The following TCP1 variants were observed in gnomAD, a reference collection of about 807,000 sequenced individuals.
The protein encoded by TCP1 is T-complex protein 1 subunit alpha.
Under a neutral mutation model 54.7 loss-of-function variants are expected in TCP1, and 6 were observed. The ratio of observed to expected loss-of-function variants is 0.11; its 90% CI spans 0.06 to 0.22. TCP1 has a LOEUF of 0.22. Ranked by LOEUF, TCP1 falls within the 10% of genes least tolerant of loss-of-function variation. TCP1 has a pLI of 1.00. For missense variants in TCP1, 511 were observed against 678.2 expected, an observed-to-expected ratio of 0.75 and a Z score of 2.74; for synonymous variants, 225 against 229.7, an observed-to-expected ratio of 0.98 and a Z score of 0.19.
rs1780485149 is a variant in TCP1, at chr6:159,778,519, A to T, written c.*526T>A. On this transcript the variant is annotated 3_prime_UTR_variant, in exon 12 of 12. Coordinates refer to ENST00000321394, the MANE Select transcript of TCP1 (RefSeq NM_030752.3). ...GGGATGAATTTTCACAAAGGTGTAA[A>T]TTTATTCCTAAGCAGTTAAAATGAA... 3 of 985,882 alleles carry T rather than the reference A, an allele frequency of 3.0e-6. No individual in the cohort carries two copies. The East Asian group carries it at 7.8e-5, about 26-fold the overall frequency. The allele number at this position is 985,882 out of a possible 1,614,324, so 61.1% of individuals were successfully genotyped here.
At chr6:159,785,872 A>C (rs758028584) in intron 4 of TCP1, 28 bp downstream of exon 4, 1 of 1,589,852 alleles carries the variant, frequency 6.3e-7, no homozygotes, top group Non-Finnish European at 8.6e-7. Flanking sequence ...ACATCAAAAA[A>C]AATTTCTCTG....
At chr6:159,780,127 T>C (rs376407468) in intron 9 of TCP1, 40 bp from the exon 10 acceptor site, 1 of 1,578,272 alleles carries the variant, frequency 6.3e-7, no homozygotes, top group Non-Finnish European at 8.6e-7. Flanking sequence ...ATAGCATTTT[T>C]AAAAATTTTT....
Position 159,783,990 on chromosome 6 carries a change from C to T in TCP1, c.748G>A (p.Val250Ile). ...TCAGGGTCTGTAATGACCACCTGTACACCAAGCTTCATTTTTGTTTTTTGC... is the reference window on the plus strand; with the variant it reads ...TCAGGGTCTGTAATGACCACCTGTATACCAAGCTTCATTTTTGTTTTTTGC... ...SLQKTKMKLGVQVVITDPEKL... is the reference protein window; with the variant it reads ...SLQKTKMKLGIQVVITDPEKL... The change falls in exon 7 of 12, where the codon GTA becomes ATA. Residue 250 changes from valine to isoleucine, a missense_variant. Physicochemically the swap from Val to Ile is conservative, Grantham distance 29. Transcript: ENST00000321394. 6.2e-7 allele frequency: 1 copy of T among 1,613,102 alleles called. No homozygotes were observed.
chr6:159,782,032 A>G (rs1254681606), intron 7 of TCP1, among the ~76,000 whole-genome samples: 1 of 152,212 alleles, frequency 6.6e-6, no homozygotes, highest in African/African-American at 2.4e-5. Context: ...GAAAAGTCAA[A>G]TTTTATGGCT....
At chr6:159,780,212 C>T (rs199752553) in intron 9 of TCP1, 125 bp from the exon 10 acceptor site, 21 of 1,281,286 alleles carry the variant, frequency 1.6e-5, no homozygotes, top group Middle Eastern at 3.8e-4. Context: ...TCCCTTAAGT[C>T]CTGCCTACAC....
intron 2 of TCP1, 24 bp from the exon 3 acceptor site, chr6:159,787,895 A>G: frequency 3.7e-6 from 6 of 1,613,162 alleles, no homozygotes; most frequent in Non-Finnish European, 5.1e-6. Flanking sequence ...AGGAAAAAAT[A>G]TGAACCACTT....
chr6:159,783,425 G>A (rs1562483582), intron 7 of TCP1, among the ~76,000 whole-genome samples: 1 of 133,356 alleles, frequency 7.5e-6, no homozygotes, highest in Non-Finnish European at 1.5e-5. Context: ...TGTCACCCAG[G>A]TTGGAGTGCA....
At chr6:159,787,096 GTTT>G (rs796940140) in intron 3 of TCP1, among the ~76,000 whole-genome samples, 21 of 57,376 alleles carry the variant, frequency 3.7e-4, no homozygotes, top group African/African-American at 1.3e-3. Context: ...AAAAAAAGAG[GTTT>G]TTAATTAGTT....
chr6:159,779,499 T>C, intron 11 of TCP1, 128 bp downstream of exon 11: 1 of 1,297,228 alleles, frequency 7.7e-7, no homozygotes, highest in East Asian at 2.3e-5. Context: ...AAATGCTTGC[T>C]GTGAAGTTTT....
Position 159,787,829 on chromosome 6 carries a change from G to C in TCP1, c.193C>G (p.Leu65Val), listed in dbSNP as rs1162648793. 17 of 1,614,066 alleles carry C rather than the reference G, an allele frequency of 1.1e-5. No individual in the cohort carries two copies. Among genetic ancestry groups the C allele is most frequent in the Non-Finnish European group, 1.4e-5 (16 of 1,180,036 alleles). Residue 65 changes from leucine (L) to valine (V), a missense_variant, in exon 3 of 12, where the codon CTG (leucine) becomes GTG (valine). This residue lies in a region of TCP1 where 54 missense variants were observed against 111.8 expected (regional missense o/e 0.48). Coordinates refer to ENST00000321394, the MANE Select transcript of TCP1 (RefSeq NM_030752.3). ...TTAGCTGCAGGATGTTCTACCTCCA[G>C]TAACTTCAGGATGGTTGCACCATCG... ...TNDGATILKL[L>V]EVEHPAAKVL... is the part of the protein sequence containing the mutation.
intron 1 of TCP1, chr6:159,789,125 TC>T: frequency 2.2e-6 from 1 of 463,096 alleles, no homozygotes; most frequent in Non-Finnish European, 3.9e-6. Context: ...AGGCCCGCTT[TC>T]CCGCGGAGGG....
chr6:159,785,747 C>T, intron 4 of TCP1, 153 bp downstream of exon 4: 1 of 809,176 alleles, frequency 1.2e-6, no homozygotes, highest in South Asian at 1.4e-5. Context: ...GATACTGGTC[C>T]AAGTTTTTAA....
At position 159,787,869 on chromosome 6, in the gene TCP1, A is replaced by C; in HGVS notation, c.153T>G (p.Asp51Glu). ...LDKMLVDDIG[D>E]VTITNDGATI... ...TTGCACCATCGTTAGTAATGGTTAC[A>C]TCCTAAGAAATTCGCAGGAAAAAAT... The change falls in exon 3 of 12, where the codon GAT (aspartate) becomes GAG (glutamate). Residue 51 changes from aspartate (D) to glutamate (E), a missense_variant and splice_region_variant. By Grantham distance (45) the Asp-to-Glu change is conservative (BLOSUM62 2). This residue lies in a region of TCP1 where 54 missense variants were observed against 111.8 expected (regional missense o/e 0.48). Coordinates refer to ENST00000321394, the MANE Select transcript of TCP1 (RefSeq NM_030752.3). The C allele has an allele frequency of 6.2e-7, 1 of 1,613,776 alleles. No individual in the cohort carries two copies. The highest frequency in any genetic ancestry group is 1.1e-5 in the South Asian group (1 of 91,060).
At chr6:159,780,152 T>C in intron 9 of TCP1, 65 bp from the exon 10 acceptor site, 1 of 1,546,766 alleles carries the variant, frequency 6.5e-7, no homozygotes, top group Non-Finnish European at 8.7e-7. Context: ...GCCAAGACCA[T>C]CAATTTCTCA....
chr6:159,784,299 CATT>C (rs1211071720), intron 6 of TCP1, among the ~76,000 whole-genome samples: 2 of 149,696 alleles, frequency 1.3e-5, no homozygotes, highest in Non-Finnish European at 3.0e-5. Context: ...CACAAAAAAA[CATT>C]TTTTATTTTT....
At chr6:159,788,291 A>C in intron 1 of TCP1, 148 bp from the exon 2 acceptor site, 1 of 698,346 alleles carries the variant, frequency 1.4e-6, no homozygotes, top group South Asian at 1.8e-5. Flanking sequence ...AAAACCACCT[A>C]CTAAGAGTGT....
intron 1 of TCP1, chr6:159,788,344 C>T: frequency 1.9e-6 from 1 of 518,624 alleles, no homozygotes; most frequent in Non-Finnish European, 3.5e-6. Flanking sequence ...AATCCCAACA[C>T]TGCGAGGCCG....
At chr6:159,785,566 T>A in intron 4 of TCP1, 70 bp from the exon 5 acceptor site, 2 of 1,211,976 alleles carry the variant, frequency 1.7e-6, no homozygotes, top group Non-Finnish European at 2.4e-6. Flanking sequence ...TCATCATGCT[T>A]AACACAGAGC....
At chr6:159,788,024 T>C (rs1306108472) in intron 2 of TCP1, 34 bp downstream of exon 2, 2 of 1,611,180 alleles carry the variant, frequency 1.2e-6, no homozygotes, top group Admixed American at 1.7e-5. Flanking sequence ...AGTTTTACTT[T>C]AAGGAAACTA....
Sources: allele counts gnomAD v4.1 joint callset (sites outside exome capture counted in the v4.1 genomes callset), GRCh38; gene constraint gnomAD v4.1.1; regional missense constraint gnomAD v4.1.1; transcripts MANE v1.5; gene names NCBI Gene and HGNC (gene_info 2026-07-23, HGNC 2026-07-21).